Variants in DPP6 observed in about 807,000 individuals in gnomAD.
The protein encoded by DPP6 is dipeptidyl peptidase like 6.
DPP6 carries 69 observed loss-of-function variants against 122.6 expected under a neutral mutation model. The ratio of observed to expected loss-of-function variants is 0.56; its 90% CI spans 0.46 to 0.69. DPP6 has a LOEUF of 0.69. Among genes scored for constraint, DPP6 ranks in the 30% least tolerant of loss-of-function variants. The pLI, the probability that DPP6 is intolerant of heterozygous loss-of-function variation, is 0.00. For synonymous variants in DPP6, 418 were observed against 433.1 expected, an observed-to-expected ratio of 0.97 and a Z score of 0.43; for missense variants, 928 against 1,116.9, an observed-to-expected ratio of 0.83 and a Z score of 2.41.
At chr7:154,395,643 TA>T (rs1009394827) in intron 1 of DPP6, among the ~76,000 whole-genome samples, 2 of 152,168 alleles carry the variant, frequency 1.3e-5, no homozygotes, top group African/African-American at 4.8e-5. Context: ...AACAGGATTT[TA>T]AAAAATGGGA....
chr7:154,067,467 C>T (rs1802811958), intron 1 of DPP6, among the ~76,000 whole-genome samples: 1 of 151,886 alleles, frequency 6.6e-6, no homozygotes. Context: ...ATCAGAGAAG[C>T]AGCAGCATCA....
intron 5 of DPP6, among the ~76,000 whole-genome samples, chr7:154,610,652 G>C (rs1833850556): frequency 6.6e-6 from 1 of 151,610 alleles, no homozygotes; most frequent in Non-Finnish European, 1.5e-5. Flanking sequence ...TGAACCTTGA[G>C]TAAAATCTCT....
the DPP6 span, among the ~76,000 whole-genome samples, chr7:153,789,246 T>A: frequency 6.6e-6 from 1 of 152,220 alleles, no homozygotes; most frequent in Admixed American, 6.5e-5. Flanking sequence ...TGTCTCATAA[T>A]CAATGTTATC....
upstream of DPP6, among the ~76,000 whole-genome samples, chr7:153,886,112 T>TACACAAACAC (rs1798900727): frequency 7.1e-6 from 1 of 140,338 alleles, no homozygotes; most frequent in African/African-American, 2.7e-5. Flanking sequence ...GGCACGCCCT[T>TACACAAACAC]ACACACACAC....
rs373911660 is a variant in DPP6, at chr7:153,969,970, A to T, written c.51+82236A>T. Among the ~76,000 whole-genome samples, 196 of 151,764 alleles carry T rather than the reference A, an allele frequency of 1.3e-3. 1 individual carries two copies. Among genetic ancestry groups the T allele is most frequent in the African/African-American group, 4.3e-3 (176 of 41,062 alleles). ...TGGGTCTGGCCTCCTTCTCAGTACA[A>T]TACCTTCAAGATTCATCCGTGTTGT... On this transcript the variant is annotated intron_variant, in intron 1 of 25. Coordinates refer to the DPP6 transcript ENST00000404039.
chr7:154,694,555 T>A (rs1164075165), intron 7 of DPP6, among the ~76,000 whole-genome samples: 1 of 151,836 alleles, frequency 6.6e-6, no homozygotes, highest in Admixed American at 6.6e-5. Context: ...GAGGTTGCAG[T>A]GAGCTGAGAT....
intron 8 of DPP6, among the ~76,000 whole-genome samples, chr7:154,748,866 GTACCGC>G (rs1843166828): frequency 6.6e-6 from 1 of 152,228 alleles, no homozygotes; most frequent in Non-Finnish European, 1.5e-5. Flanking sequence ...TGGAGGCCCA[GTACCGC>G]AGGCTTGCTG....
intron 15 of DPP6, among the ~76,000 whole-genome samples, chr7:154,806,583 G>A (rs1026927891): frequency 6.6e-6 from 1 of 152,212 alleles, no homozygotes. Flanking sequence ...CAGATAATTT[G>A]AAGATATGTC....
the DPP6 span, among the ~76,000 whole-genome samples, chr7:153,807,687 G>A: frequency 1.3e-5 from 2 of 151,824 alleles, no homozygotes; most frequent in African/African-American, 4.9e-5. Context: ...CTGAGACTGA[G>A]CATGGGTTCC....
chr7:154,883,438 A>C (rs1198837773), intron 21 of DPP6: 1 of 144,992 alleles, frequency 6.9e-6, no homozygotes, highest in African/African-American at 2.6e-5. Context: ...ACACGCTCAC[A>C]TTCACACACA....
At chr7:153,954,071 G>A (rs549393445) in intron 1 of DPP6, among the ~76,000 whole-genome samples, 1 of 152,282 alleles carries the variant, frequency 6.6e-6, no homozygotes, top group South Asian at 2.1e-4. Flanking sequence ...GCTAATTACA[G>A]ATCTCCATCG....
chr7:154,259,391 G>A (rs140556560), intron 1 of DPP6, among the ~76,000 whole-genome samples: 350 of 152,326 alleles, frequency 2.3e-3, no homozygotes, highest in African/African-American at 7.3e-3. Context: ...TACTGGATTC[G>A]TAAGTGCCAA....
At chr7:153,816,262 TAAAAG>T in the DPP6 span, among the ~76,000 whole-genome samples, 3 of 152,148 alleles carry the variant, frequency 2.0e-5, no homozygotes, top group Non-Finnish European at 2.9e-5. Flanking sequence ...AAAGCAGAAA[TAAAAG>T]GAAAACAAGA....
At chr7:153,952,722 T>C (rs533870337) in intron 1 of DPP6, among the ~76,000 whole-genome samples, 54 of 152,330 alleles carry the variant, frequency 3.5e-4, no homozygotes, top group African/African-American at 1.0e-3. Flanking sequence ...TTATTAATAG[T>C]TCATAAGTCT....
At chr7:154,330,718 C>T (rs997217496) in intron 1 of DPP6, among the ~76,000 whole-genome samples, 9 of 152,212 alleles carry the variant, frequency 5.9e-5, no homozygotes, top group African/African-American at 2.2e-4. Flanking sequence ...GGTGTACACA[C>T]CCTCTGGGGA....
chr7:154,063,006 C>T (rs1351304362), intron 1 of DPP6, among the ~76,000 whole-genome samples: 13 of 132,656 alleles, frequency 9.8e-5, no homozygotes, highest in East Asian at 6.7e-4. Flanking sequence ...GTCCCTCTTC[C>T]CCCCCTGGCT....
Position 154,893,473 on chromosome 7 carries a change from A to ACAAAAC in DPP6, c.*993_*994insCAAAAC, listed in dbSNP as rs1397429348. The stretch of plus-strand genomic sequence containing the variant: ...GGTTTAAAAAAAAAAAAAAAAAAAA[A>ACAAAAC]AAAAAAACAGAAAAAAGACAAAGCG... On this transcript the variant is annotated 3_prime_UTR_variant, in exon 26 of 26. Coordinates refer to ENST00000377770, the MANE Select transcript of DPP6 (RefSeq NM_130797.4). 10,190 of 142,236 alleles carry ACAAAAC rather than the reference A, an allele frequency of 0.072. 675 individuals carry two copies. The highest frequency in any genetic ancestry group is 0.11 in the Non-Finnish European group (7,288 of 64,198). 8.8% of individuals were successfully genotyped at this position (142,236 alleles called of 1,614,324 possible). A position where few individuals can be genotyped will look rare whatever the true frequency, so the allele number is the denominator to read the frequency against.
chr7:154,101,817 T>A (rs140630234), intron 1 of DPP6, among the ~76,000 whole-genome samples: 5,707 of 150,674 alleles, frequency 0.038, 345 homozygotes, highest in African/African-American at 0.13. Flanking sequence ...AATCCCAGCT[T>A]CTCGGGAGGC....
At chr7:153,923,166 G>C (rs971605276) in intron 1 of DPP6, among the ~76,000 whole-genome samples, 2 of 152,190 alleles carry the variant, frequency 1.3e-5, no homozygotes, top group African/African-American at 2.4e-5. Flanking sequence ...AAGGATTTGA[G>C]ATTAAGCAGG....
Sources: allele counts gnomAD v4.1 joint callset (sites outside exome capture counted in the v4.1 genomes callset), GRCh38; gene constraint gnomAD v4.1.1; transcripts MANE v1.5; gene names NCBI Gene and HGNC (gene_info 2026-07-23, HGNC 2026-07-21).